Variants in BARD1 observed in about 807,000 individuals in gnomAD.
BARD1 encodes the protein BRCA1 associated RING domain 1.
A neutral mutation model predicts 77.0 loss-of-function variants in BARD1; 73 were observed. The ratio of observed to expected loss-of-function variants is 0.95; its 90% confidence interval spans 0.79 to 1.15. BARD1 has a LOEUF of 1.15. Among genes scored for constraint, BARD1 ranks in the 50% most tolerant of loss-of-function variants. The pLI is 0.00. For synonymous variants in BARD1, 384 were observed against 338.0 expected (o/e 1.14, Z -1.49); for missense variants, 993 against 938.8 (o/e 1.06, Z -0.75).
chr2:214,744,543 T>C (rs192408494), intron 9 of BARD1, among the ~76,000 whole-genome samples: 121 of 152,328 alleles, frequency 7.9e-4, no homozygotes, highest in Middle Eastern at 6.8e-3. Flanking sequence ...ATAGTTGGTA[T>C]TGTAGGAAAA....
chr2:214,791,971 T>TA (rs1695533122), intron 3 of BARD1, among the ~76,000 whole-genome samples: 1 of 152,116 alleles, frequency 6.6e-6, no homozygotes, highest in South Asian at 2.1e-4. Flanking sequence ...TTCTCAACTA[T>TA]AAAATAAGGG....
rs7605395 is a variant in BARD1 at position 214,778,346 on chromosome 2, G to A, written c.1314+2214C>T. On this transcript the variant is annotated intron_variant, in intron 4 of 10. Coordinates refer to ENST00000260947, the MANE Select transcript of BARD1 (RefSeq NM_000465.4). ...AAAATTTAAAAGGACACTATTAATT[G>A]GTGATTTTAAAAACAATAAAAATTA... Among the ~76,000 whole-genome samples the A allele has an allele frequency of 3.9e-3, 596 of 151,958 alleles. 3 individuals carry two copies. Among genetic ancestry groups the A allele is most frequent in the African/African-American group, 0.013 (555 of 41,478 alleles).
In BARD1 at chr2:214,790,199, A is replaced by G. The variant is rs182757077; in HGVS notation, c.364+2098T>C. On this transcript the variant is annotated intron_variant, in intron 3 of 10. Transcript: ENST00000260947. ...ATAACTGACAACGGTAAATCCATCAAGGGTTACCCTGCTCTCCATTTATCA... is the reference window on the plus strand; with the variant it reads ...ATAACTGACAACGGTAAATCCATCAGGGGTTACCCTGCTCTCCATTTATCA... 2.0e-3 allele frequency among the ~76,000 whole-genome samples: 312 copies of G among 152,232 alleles called. No individual in the cohort carries two copies. The highest frequency in any genetic ancestry group is 3.5e-3 in the Non-Finnish European group (237 of 68,000).
chr2:214,796,497 G>A (rs1362866277), intron 2 of BARD1, among the ~76,000 whole-genome samples: 2 of 152,284 alleles, frequency 1.3e-5, no homozygotes, highest in East Asian at 3.9e-4. Context: ...AAAGACCAGA[G>A]TGATACATCT....
At position 214,780,766 on chromosome 2, in the gene BARD1, G is replaced by A. The variant is rs587781596; in HGVS notation, c.1108C>T (p.Arg370Cys). Residue 370 changes from arginine to cysteine, a missense_variant, in exon 4 of 11, where the codon CGT becomes TGT. Transcript: ENST00000260947. ...CTCCCTGATGTACCACCAACTTTAC[G>A]TTTGCATGAAGGTGGTGAAGAACAT... Reference protein sequence around the residue: ...PECSSPPSCKRKVGGTSGRKN... With the variant: ...PECSSPPSCKCKVGGTSGRKN... The A allele has an allele frequency of 2.1e-5, 34 of 1,613,882 alleles. 1 individual carries two copies. The highest frequency in any genetic ancestry group is 1.6e-4 in the Middle Eastern group (1 of 6,084).
At chr2:214,733,525 T>C (rs1692445499) in intron 9 of BARD1, among the ~76,000 whole-genome samples, 2 of 152,180 alleles carry the variant, frequency 1.3e-5, no homozygotes, top group South Asian at 2.1e-4. Context: ...ATTTTCAGAT[T>C]AGGAATGCTC....
chr2:214,730,275 C>G lies in BARD1; in HGVS notation c.2001+136G>C, dbSNP rs566224840. On this transcript the variant is annotated intron_variant, in intron 10 of 10. Coordinates refer to ENST00000260947, the MANE Select transcript of BARD1 (RefSeq NM_000465.4). ...GCTCATCGTGATCATCTTTCAGAAT[C>G]AAGTGCTTGAAATAAGCACAATTAA... The G allele has an allele frequency of 3.5e-4, 258 of 736,704 alleles. 2 individuals are homozygous for G. The South Asian group carries it at 3.9e-3, about 11-fold the overall frequency. The allele number at this position is 736,704 out of a possible 1,614,324, so 45.6% of individuals were successfully genotyped here.
At chr2:214,762,422 T>C (rs971587219) in intron 6 of BARD1, among the ~76,000 whole-genome samples, 8 of 152,144 alleles carry the variant, frequency 5.3e-5, no homozygotes, top group Non-Finnish European at 1.2e-4. Flanking sequence ...TGCATGTGTA[T>C]ACCTACATAC....
At chr2:214,801,437 T>C (rs955064056) in intron 1 of BARD1, among the ~76,000 whole-genome samples, 4 of 152,190 alleles carry the variant, frequency 2.6e-5, no homozygotes, top group East Asian at 3.8e-4. Context: ...TGAATGGCCA[T>C]ATACTGTGTT....
At chr2:214,796,395 C>A (rs1482474406) in intron 2 of BARD1, among the ~76,000 whole-genome samples, 1 of 152,092 alleles carries the variant, frequency 6.6e-6, no homozygotes, top group Non-Finnish European at 1.5e-5. Flanking sequence ...TTAGGGTGAG[C>A]CCTTAATATA....
At position 214,729,018 on chromosome 2, in the gene BARD1, T is replaced by G; in HGVS notation, c.2002-10A>C. 1 of 1,613,224 alleles carries G rather than the reference T, an allele frequency of 6.2e-7. No homozygotes were observed. On this transcript the variant is annotated splice_polypyrimidine_tract_variant and intron_variant, in intron 10 of 10. Transcript: ENST00000260947. ...CAAACAGCTTTGGCAACTGAAATAA[T>G]GAGAAAACATTTGTTAAAGGCAGAT...
chr2:214,744,480 T>C (rs1693001115), intron 9 of BARD1, among the ~76,000 whole-genome samples: 1 of 152,234 alleles, frequency 6.6e-6, no homozygotes, highest in South Asian at 2.1e-4. Flanking sequence ...AACAGTAACA[T>C]GAATCGCTTA....
At chr2:214,762,472 A>G (rs952381441) in intron 6 of BARD1, among the ~76,000 whole-genome samples, 1 of 152,218 alleles carries the variant, frequency 6.6e-6, no homozygotes. Context: ...TAAGATATAT[A>G]TAACAGAATG....
intron 4 of BARD1, among the ~76,000 whole-genome samples, chr2:214,780,157 T>C (rs1433105194): frequency 6.6e-6 from 1 of 152,164 alleles, no homozygotes; most frequent in African/African-American, 2.4e-5. Context: ...TTCCAAATTT[T>C]GGTTGAATTT....
chr2:214,763,290 T>C (rs895217736), intron 6 of BARD1, among the ~76,000 whole-genome samples: 4 of 152,188 alleles, frequency 2.6e-5, no homozygotes, highest in Non-Finnish European at 4.4e-5. Context: ...ACTTTCATAC[T>C]ACTGTGAGCA....
intron 1 of BARD1, among the ~76,000 whole-genome samples, chr2:214,805,567 G>T (rs1187122433): frequency 6.6e-6 from 1 of 152,016 alleles, no homozygotes; most frequent in Non-Finnish European, 1.5e-5. Context: ...CACAGCTCAA[G>T]GCATCTTATG....
intron 6 of BARD1, among the ~76,000 whole-genome samples, chr2:214,756,015 C>T (rs769310768): frequency 2.0e-5 from 3 of 152,140 alleles, no homozygotes; most frequent in South Asian, 2.1e-4. Flanking sequence ...AACGGACAGT[C>T]GCGAATTCAG....
At position 214,808,831 on chromosome 2, in the gene BARD1, G is replaced by C. The variant is rs1028282286; in HGVS notation, c.158+581C>G. Among the ~76,000 whole-genome samples the C allele has an allele frequency of 2.0e-5, 3 of 152,340 alleles. No individual in the cohort carries two copies. The East Asian group carries it at 5.8e-4, about 29-fold the overall frequency. Reference sequence around the variant, plus strand: ...GGGGACACCAGACATACAGTCTTTTGAGCAAACTAAGAAAATGAGAAATTC... The same window carrying C: ...GGGGACACCAGACATACAGTCTTTTCAGCAAACTAAGAAAATGAGAAATTC... On this transcript the variant is annotated intron_variant, in intron 1 of 10. Transcript: ENST00000260947.
chr2:214,785,029 A>C (rs1486581859), intron 3 of BARD1, among the ~76,000 whole-genome samples: 2 of 150,902 alleles, frequency 1.3e-5, no homozygotes, highest in African/African-American at 5.0e-5. Flanking sequence ...GTTAAAAAAA[A>C]AAAAAAGAAA....
Sources: gnomAD v4.1 joint callset for allele counts (sites outside exome capture counted in the v4.1 genomes callset) on GRCh38, gnomAD v4.1.1 for gene constraint, MANE v1.5 for transcripts, NCBI Gene and HGNC (gene_info 2026-07-23, HGNC 2026-07-21) for gene names.